Variants in LBHD1 observed in about 807,000 individuals in gnomAD.
The protein encoded by LBHD1 is LBH domain containing 1.
In LBHD1, 28 loss-of-function variants were observed where a neutral mutation model predicts 31.1. That is an observed-to-expected ratio of 0.90 (90% CI 0.67 to 1.24). LBHD1 has a LOEUF of 1.24. Among genes scored for constraint, LBHD1 ranks in the 50% most tolerant of loss-of-function variants. The probability of loss-of-function intolerance (pLI) is 0.00; values close to 1 mark genes in which losing one functional copy is unlikely to be tolerated. For missense variants in LBHD1, 350 were observed against 323.0 expected (o/e 1.08, Z -0.64); for synonymous variants, 105 against 116.5 (o/e 0.90, Z 0.63).
Position 62,664,873 on chromosome 11 carries a change from G to A in LBHD1, c.639C>T (p.His213=). Residue 213 remains histidine (H), a synonymous_variant, in exon 5 of 7, where the codon CAC becomes CAT. Coordinates refer to ENST00000354588, the MANE Select transcript of LBHD1 (RefSeq NM_024099.5). Reference sequence around the variant, plus strand: ...CGCCCGCTTCTTGAGGTGGTGCCGCGTGATCAGCCCTTGGTCTATCACAGC... The same window carrying A: ...CGCCCGCTTCTTGAGGTGGTGCCGCATGATCAGCCCTTGGTCTATCACAGC... ...GRGCDRPRAD[H]AAPPQEAGVQ... is the part of the protein sequence containing the mutation. 5 of 1,579,282 alleles carry A rather than the reference G, an allele frequency of 3.2e-6. No homozygotes were observed. Among genetic ancestry groups the A allele is most frequent in the Non-Finnish European group, 4.3e-6 (5 of 1,162,430 alleles).
In LBHD1 at chr11:62,667,020, A is replaced by G. The variant is rs200288660; in HGVS notation, c.538+503T>C. 269 of 1,607,836 alleles carry G rather than the reference A, an allele frequency of 1.7e-4. 1 individual carries two copies. The South Asian group carries it at 2.8e-3, about 17-fold the overall frequency. ...CTAGGCCCGTTCAGGGGCATCACCT[A>G]CTTTGCTTACTTGATTCAAGGCTCT... On this transcript the variant is annotated intron_variant, in intron 4 of 6. Coordinates refer to ENST00000354588, the MANE Select transcript of LBHD1 (RefSeq NM_024099.5).
Position 62,669,696 on chromosome 11 carries a change from A to G in LBHD1, c.258T>C (p.Thr86=), listed in dbSNP as rs1345816513. ...CCTCAGCATCCTCTTCCTCACCATC[A>G]GTGAGCAGCAGCAGCTCCTCATGGG... ...HLPHEELLLL[T]DGEEEDAEAF... is the part of the protein sequence containing the mutation. Residue 86 remains threonine, a synonymous_variant, in exon 3 of 7, where the codon ACT becomes ACC. Transcript: ENST00000354588. 3.7e-6 allele frequency: 6 copies of G among 1,614,076 alleles called. No individual in the cohort carries two copies. Among genetic ancestry groups the G allele is most frequent in the Non-Finnish European group, 5.1e-6 (6 of 1,180,036 alleles).
intron 3 of LBHD1, chr11:62,669,332 G>C: frequency 1.1e-6 from 1 of 919,136 alleles, no homozygotes; most frequent in Non-Finnish European, 1.3e-6. Context: ...AGGAGGCGGA[G>C]CTTGCAGTGA....
chr11:62,672,016 G>C lies in LBHD1; in HGVS notation c.-463C>G, dbSNP rs779271478. On this transcript the variant is annotated 5_prime_UTR_variant, in exon 1 of 7. Coordinates refer to ENST00000354588, the MANE Select transcript of LBHD1 (RefSeq NM_024099.5). ...GGCCAGGACCCAGCAGCTATTGCTG[G>C]CCACTCTGCAGGAGGCAGCGACCAC... is the stretch of plus-strand genomic sequence containing the variant. 6.2e-7 allele frequency: 1 copy of C among 1,613,528 alleles called. No individual in the cohort carries two copies. Among genetic ancestry groups the C allele is most frequent in the Non-Finnish European group, 8.5e-7 (1 of 1,179,870 alleles).
At chr11:62,667,854 G>A in intron 3 of LBHD1, 107 bp from the exon 4 acceptor site, 1 of 763,492 alleles carries the variant, frequency 1.3e-6, no homozygotes, top group South Asian at 1.7e-5. Context: ...ACTTTGGGAG[G>A]CCAAGGTGGG....
intron 5 of LBHD1, among the ~76,000 whole-genome samples, chr11:62,663,847 C>T (rs1429479832): frequency 6.6e-5 from 10 of 151,294 alleles, no homozygotes; most frequent in African/African-American, 1.9e-4. Flanking sequence ...CTGAGGTGGG[C>T]GGATCACCTG....
At chr11:62,666,326 C>T (rs750954743) in intron 4 of LBHD1, 11 of 1,513,956 alleles carry the variant, frequency 7.3e-6, no homozygotes, top group Non-Finnish European at 1.0e-5. Context: ...AAAAAAGACG[C>T]CAGTGTGTAT....
chr11:62,663,099 GTCT>G lies in LBHD1; in HGVS notation c.*27_*29del. 2 of 1,613,566 alleles carry G rather than the reference GTCT, an allele frequency of 1.2e-6. No individual in the cohort carries two copies. The highest frequency in any genetic ancestry group is 1.7e-6 in the Non-Finnish European group (2 of 1,179,702). On this transcript the variant is annotated 3_prime_UTR_variant, in exon 7 of 7. Coordinates refer to ENST00000354588, the MANE Select transcript of LBHD1 (RefSeq NM_024099.5). ...CATTTCTACATCCTGGGGGGCTTTT[GTCT>G]TCTTTTGCCTTTTGAGCTGTGGTTC... is the stretch of plus-strand genomic sequence containing the variant.
At chr11:62,665,664 A>G (rs1590847922) in intron 4 of LBHD1, 1 of 1,466,132 alleles carries the variant, frequency 6.8e-7, no homozygotes, top group Admixed American at 2.4e-5. Flanking sequence ...GACGCTGTAT[A>G]CCCTCCTCCA....
rs1944944154 is a variant in LBHD1, at chr11:62,671,590, A to G, written c.-37T>C. The G allele has an allele frequency of 6.8e-7, 1 of 1,473,478 alleles. No homozygotes were observed. The highest frequency in any genetic ancestry group is 8.9e-7 in the Non-Finnish European group (1 of 1,119,924). 91.3% of individuals were successfully genotyped at this position (1,473,478 alleles called of 1,614,324 possible). A position where few individuals can be genotyped will look rare whatever the true frequency, so the allele number is the denominator to read the frequency against. On this transcript the variant is annotated 5_prime_UTR_variant, in exon 1 of 7. Transcript: ENST00000354588. Reference sequence around the variant, plus strand: ...TGAGATCCAAGCGCTCCGGATTCCAAACGTTTCCTCGAGCAGGTCCTCTCT... The same window carrying G: ...TGAGATCCAAGCGCTCCGGATTCCAGACGTTTCCTCGAGCAGGTCCTCTCT...
chr11:62,667,053 GA>G, intron 4 of LBHD1: 1 of 1,591,034 alleles, frequency 6.3e-7, no homozygotes, highest in Admixed American at 1.8e-5. Context: ...TCTCATTAAA[GA>G]CATTTTAGTA....
At chr11:62,666,740 C>T (rs757327696) in intron 4 of LBHD1, 9 of 1,614,072 alleles carry the variant, frequency 5.6e-6, no homozygotes, top group African/African-American at 1.3e-5. Flanking sequence ...TGCCTCAAGC[C>T]TCCACTTCAT....
In LBHD1 at chr11:62,671,902, G is replaced by C; in HGVS notation, c.-349C>G. On this transcript the variant is annotated 5_prime_UTR_variant, in exon 1 of 7. Transcript: ENST00000354588. ...TGGTAGTCCCGAGGAAGGGTGGGCG[G>C]GTGGAGAGCCCCGGACTGGAGCTCC... 6.2e-7 allele frequency: 1 copy of C among 1,613,428 alleles called. No homozygotes were observed. Among genetic ancestry groups the C allele is most frequent in the Non-Finnish European group, 8.5e-7 (1 of 1,179,528 alleles).
Position 62,663,039 on chromosome 11 carries a change from G to A in LBHD1, c.*90C>T. The A allele has an allele frequency of 2.6e-6, 4 of 1,552,090 alleles. No individual in the cohort carries two copies. The highest frequency in any genetic ancestry group is 3.5e-6 in the Non-Finnish European group (4 of 1,129,530). On this transcript the variant is annotated 3_prime_UTR_variant, in exon 7 of 7. Coordinates refer to ENST00000354588, the MANE Select transcript of LBHD1 (RefSeq NM_024099.5). Reference sequence around the variant, plus strand: ...GCTGGCTCCAGTTGAGAATCTTCTAGTGGAAGAGGTTTAGCTCTCATCTTC... The same window carrying A: ...GCTGGCTCCAGTTGAGAATCTTCTAATGGAAGAGGTTTAGCTCTCATCTTC...
Position 62,667,558 on chromosome 11 carries a change from T to A in LBHD1, c.503A>T (p.Glu168Val). The A allele has an allele frequency of 6.2e-7, 1 of 1,614,134 alleles. No individual in the cohort carries two copies. Among genetic ancestry groups the A allele is most frequent in the Non-Finnish European group, 8.5e-7 (1 of 1,180,018 alleles). The change falls in exon 4 of 7, where the codon GAA becomes GTA. Residue 168 changes from glutamate (E) to valine (V), a missense_variant. Coordinates refer to ENST00000354588, the MANE Select transcript of LBHD1 (RefSeq NM_024099.5). ...GSRVCRSGFV[E>V]YSHLLPPNSF... ...ATTAGGAGGCAGGAGATGGGAATAT[T>A]CCACAAAGCCACTTCTACAAACACG...
chr11:62,666,873 C>A (rs1341148702), intron 4 of LBHD1: 1 of 1,614,172 alleles, frequency 6.2e-7, no homozygotes, highest in Non-Finnish European at 8.5e-7. Context: ...CAGCTTCTAT[C>A]AGAATGCTTG....
At chr11:62,663,202 G>A (rs762693839) in intron 6 of LBHD1, 34 bp downstream of exon 6, 1 of 1,613,750 alleles carries the variant, frequency 6.2e-7, no homozygotes, top group South Asian at 1.1e-5. Context: ...AATAAATCCA[G>A]GATTCCCCTC....
chr11:62,665,263 C>G, intron 4 of LBHD1: 1 of 745,462 alleles, frequency 1.3e-6, no homozygotes, highest in Non-Finnish European at 2.3e-6. Context: ...AATCGCAACT[C>G]GGGGGCGGGT....
At chr11:62,670,177 G>C in intron 1 of LBHD1, 136 bp from the exon 2 acceptor site, 1 of 862,772 alleles carries the variant, frequency 1.2e-6, no homozygotes, top group Non-Finnish European at 1.7e-6. Flanking sequence ...TTTCAGGGGA[G>C]GGGAAAATGC....
Sources: gnomAD v4.1 joint callset for allele counts (sites outside exome capture counted in the v4.1 genomes callset) on GRCh38, gnomAD v4.1.1 for gene constraint, MANE v1.5 for transcripts, NCBI Gene and HGNC (gene_info 2026-07-23, HGNC 2026-07-21) for gene names.